Variants in FHOD3 observed in about 807,000 individuals in gnomAD.
FHOD3 encodes formin homology 2 domain containing 3.
FHOD3 carries 90 observed loss-of-function variants against 173.0 expected under a neutral mutation model. The observed-to-expected ratio is 0.52, with a 90% CI of 0.44 to 0.62. The LOEUF (loss-of-function observed/expected upper bound fraction) is 0.62, where lower values mean the gene tolerates loss of function less well. FHOD3 is among the 20% of genes least tolerant of loss of function. The probability of loss-of-function intolerance (pLI) is 0.00; values close to 1 mark genes in which losing one functional copy is unlikely to be tolerated. For synonymous variants in FHOD3, 828 were observed against 823.0 expected, an observed-to-expected ratio of 1.01 and a Z score of -0.10; for missense variants, 1,945 against 2,034.7, an observed-to-expected ratio of 0.96 and a Z score of 0.85.
chr18:36,560,418 A>G (rs77914911), intron 5 of FHOD3, among the ~76,000 whole-genome samples: 42 of 152,344 alleles, frequency 2.8e-4, no homozygotes, highest in African/African-American at 9.9e-4. Flanking sequence ...AAGAGGCAGT[A>G]GGGATGGCCT....
intron 5 of FHOD3, among the ~76,000 whole-genome samples, chr18:36,520,806 G>A (rs1362547191): frequency 2.0e-5 from 3 of 152,220 alleles, no homozygotes; most frequent in African/African-American, 7.2e-5. Context: ...TACACAGAGA[G>A]TGTGGAATTT....
intron 24 of FHOD3, among the ~76,000 whole-genome samples, chr18:36,748,429 C>T (rs576548001): frequency 6.7e-6 from 1 of 148,244 alleles, no homozygotes; most frequent in Admixed American, 6.7e-5. Context: ...GGAGAGAGAA[C>T]CAACTATTAT....
intron 3 of FHOD3, among the ~76,000 whole-genome samples, chr18:36,440,639 A>G (rs1041278225): frequency 1.3e-5 from 2 of 152,260 alleles, no homozygotes; most frequent in African/African-American, 2.4e-5. Flanking sequence ...ATCTTGAGGC[A>G]GGAGTGGTGG....
intron 10 of FHOD3, among the ~76,000 whole-genome samples, chr18:36,641,032 G>T (rs9948854): frequency 6.6e-6 from 1 of 152,028 alleles, no homozygotes; most frequent in African/African-American, 2.4e-5. Context: ...AGATCTCTGA[G>T]GTCATCTCCA....
At chr18:36,620,321 T>G (rs909118824) in intron 9 of FHOD3, among the ~76,000 whole-genome samples, 1 of 152,114 alleles carries the variant, frequency 6.6e-6, no homozygotes, top group African/African-American at 2.4e-5. Flanking sequence ...CCTGGAGTGT[T>G]TTTTCTTCCT....
chr18:36,670,484 G>T (rs888590271), intron 14 of FHOD3, among the ~76,000 whole-genome samples: 1 of 151,762 alleles, frequency 6.6e-6, no homozygotes, highest in South Asian at 2.1e-4. Context: ...CTTCAAGTTC[G>T]CTAATTATTT....
At chr18:36,309,390 T>C (rs9807121) in intron 1 of FHOD3, among the ~76,000 whole-genome samples, 1,894 of 152,256 alleles carry the variant, frequency 0.012, 52 homozygotes, top group African/African-American at 0.043. Flanking sequence ...AAAGGAGTGG[T>C]GGCTGCAGAG....
intron 3 of FHOD3, among the ~76,000 whole-genome samples, chr18:36,480,734 G>A (rs1333624066): frequency 6.6e-6 from 1 of 152,218 alleles, no homozygotes; most frequent in Non-Finnish European, 1.5e-5. Context: ...GCAGCCTGGT[G>A]CAGTAGAATA....
At chr18:36,772,727 G>A (rs185871589) in intron 28 of FHOD3, among the ~76,000 whole-genome samples, 12 of 152,280 alleles carry the variant, frequency 7.9e-5, no homozygotes, top group South Asian at 2.1e-4. Context: ...GGCTCAGGTC[G>A]GCTGCTCTCC....
At chr18:36,636,729 C>G (rs994235899) in intron 10 of FHOD3, among the ~76,000 whole-genome samples, 2 of 151,360 alleles carry the variant, frequency 1.3e-5, no homozygotes, top group African/African-American at 4.9e-5. Flanking sequence ...AGAGATGAGC[C>G]CTCATAAGGA....
chr18:36,636,743 G>C (rs1406491799), intron 10 of FHOD3, among the ~76,000 whole-genome samples: 1 of 151,772 alleles, frequency 6.6e-6, no homozygotes, highest in Non-Finnish European at 1.5e-5. Flanking sequence ...ATAAGGAGGT[G>C]GCTGGTCAGG....
At chr18:36,535,603 G>T (rs1350916187) in intron 5 of FHOD3, among the ~76,000 whole-genome samples, 1 of 152,190 alleles carries the variant, frequency 6.6e-6, no homozygotes, top group Admixed American at 6.5e-5. Context: ...ATCTGACTTG[G>T]AGTATACTTT....
intron 1 of FHOD3, among the ~76,000 whole-genome samples, chr18:36,353,751 C>T (rs752255419): frequency 6.6e-5 from 10 of 152,166 alleles, no homozygotes; most frequent in Admixed American, 1.3e-4. Flanking sequence ...ATAATGCTAA[C>T]TGCTACCTGT....
intron 5 of FHOD3, among the ~76,000 whole-genome samples, chr18:36,570,198 G>A (rs1343717263): frequency 6.6e-6 from 1 of 151,978 alleles, no homozygotes; most frequent in Non-Finnish European, 1.5e-5. Flanking sequence ...CATTAAGAAT[G>A]AAAGGGGATT....
intron 3 of FHOD3, among the ~76,000 whole-genome samples, chr18:36,423,771 C>T (rs1790647): frequency 0.82 from 125,115 of 152,200 alleles, 51,668 homozygotes; most frequent in East Asian, 0.93. Flanking sequence ...CTAACAGTGG[C>T]ATAGAATGAA....
rs566703086 is a variant in FHOD3 at position 36,601,958 on chromosome 18, A to G, written c.719-716A>G. On this transcript the variant is annotated intron_variant, in intron 7 of 28. Coordinates refer to ENST00000590592, the MANE Select transcript of FHOD3 (RefSeq NM_001281740.3). ...CCTTCGCCTGCAGAGCCCAGGCAGC[A>G]GTCATCTCTTGTGCCAAGTCCCCTG... Among the ~76,000 whole-genome samples, 111 of 152,330 alleles carry G rather than the reference A, an allele frequency of 7.3e-4. 2 individuals are homozygous for G. The highest frequency in any genetic ancestry group is 3.5e-4 in the Non-Finnish European group (24 of 68,034).
intron 1 of FHOD3, among the ~76,000 whole-genome samples, chr18:36,339,532 G>A (rs957432177): frequency 2.0e-5 from 3 of 152,186 alleles, no homozygotes; most frequent in South Asian, 2.1e-4. Flanking sequence ...AAAGGCCAAC[G>A]GGACAGTGGA....
At chr18:36,680,520 C>T (rs992303862) in intron 14 of FHOD3, among the ~76,000 whole-genome samples, 36 of 152,214 alleles carry the variant, frequency 2.4e-4, no homozygotes, top group African/African-American at 7.5e-4. Flanking sequence ...CCATCAGACT[C>T]CTTTACATAG....
intron 3 of FHOD3, among the ~76,000 whole-genome samples, chr18:36,466,528 A>C (rs575357898): frequency 2.6e-5 from 4 of 152,182 alleles, no homozygotes; most frequent in Admixed American, 6.5e-5. Flanking sequence ...TGGGCTTTTA[A>C]ATGGGGGGAA....
Sources: gnomAD v4.1 joint callset for allele counts (sites outside exome capture counted in the v4.1 genomes callset) on GRCh38, gnomAD v4.1.1 for gene constraint, MANE v1.5 for transcripts, NCBI Gene and HGNC (gene_info 2026-07-23, HGNC 2026-07-21) for gene names.